The following ZBTB11 variants were observed in gnomAD, a reference collection of about 807,000 sequenced individuals.
ZBTB11 encodes the protein zinc finger and BTB domain-containing protein 11.
ZBTB11 carries 68 observed loss-of-function variants against 113.1 expected under a neutral mutation model. The ratio of observed to expected loss-of-function variants is 0.60; its 90% confidence interval spans 0.49 to 0.74. The LOEUF (loss-of-function observed/expected upper bound fraction) is 0.74, where lower values mean the gene tolerates loss of function less well. ZBTB11 is among the 30% of genes least tolerant of loss of function. The pLI is 0.00. For synonymous variants in ZBTB11, 518 were observed against 452.6 expected, an observed-to-expected ratio of 1.14 and a Z score of -1.83; for missense variants, 1,104 against 1,279.4, an observed-to-expected ratio of 0.86 and a Z score of 2.09.
chr3:101,654,617 A>C, intron 8 of ZBTB11, 87 bp downstream of exon 8: 1 of 1,107,574 alleles, frequency 9.0e-7, no homozygotes, highest in Non-Finnish European at 1.3e-6. Flanking sequence ...CTGAAGTTAC[A>C]GTTTAATATT....
rs576312912 is a variant in ZBTB11 at position 101,654,423 on chromosome 3, G to C, written c.2309+281C>G. Among the ~76,000 whole-genome samples, 16 of 152,144 alleles carry C rather than the reference G, an allele frequency of 1.1e-4. 1 individual carries two copies. Among genetic ancestry groups the C allele is most frequent in the Admixed American group, 9.8e-4 (15 of 15,270 alleles). On this transcript the variant is annotated intron_variant, in intron 8 of 10. Transcript: ENST00000312938. ...GAGGATCTGGAAAATGAAGAAGAGG[G>C]GGGGAAAGAAACTGGCTGGCAGTGA...
intron 1 of ZBTB11, 121 bp downstream of exon 1, chr3:101,676,468 GGCTCCGCCTGGCAGCA>G (rs1291334831): frequency 5.5e-6 from 5 of 901,810 alleles, no homozygotes; most frequent in African/African-American, 5.3e-5. Flanking sequence ...CCACCCTCTC[GGCTCCGCCTGGCAGCA>G]GCTCCGCCGC....
Position 101,659,839 on chromosome 3 carries a change from A to G in ZBTB11, c.1990T>C (p.Tyr664His). The G allele has an allele frequency of 1.9e-6, 3 of 1,614,166 alleles. No homozygotes were observed. Among genetic ancestry groups the G allele is most frequent in the Non-Finnish European group, 2.5e-6 (3 of 1,180,008 alleles). Residue 664 changes from tyrosine (Y) to histidine (H), a missense_variant, in exon 6 of 11, where the codon TAT becomes CAT. Coordinates refer to ENST00000312938, the MANE Select transcript of ZBTB11 (RefSeq NM_014415.4). ...TTTAACATATGTATTCGGAGAGAAT[A>G]TAATTTAGGTAATGTTCTTCCACAT... ...SICGRTLPKLYSLRIHMLKHT... is the reference protein window; with the variant it reads ...SICGRTLPKLHSLRIHMLKHT...
chr3:101,674,240 T>A (rs951559703), intron 1 of ZBTB11, among the ~76,000 whole-genome samples: 2 of 151,596 alleles, frequency 1.3e-5, no homozygotes, highest in African/African-American at 4.9e-5. Flanking sequence ...CACGTGAGCC[T>A]GGGAGGCGAA....
At chr3:101,660,503 A>C (rs1936869996) in intron 5 of ZBTB11, among the ~76,000 whole-genome samples, 1 of 152,198 alleles carries the variant, frequency 6.6e-6, no homozygotes, top group African/African-American at 2.4e-5. Flanking sequence ...TTAAAACAAT[A>C]AGTACAACTG....
chr3:101,666,610 T>C (rs1298006354), intron 3 of ZBTB11, among the ~76,000 whole-genome samples: 1 of 152,202 alleles, frequency 6.6e-6, no homozygotes, highest in Non-Finnish European at 1.5e-5. Flanking sequence ...CAAAAGCCAT[T>C]GTTAATTCTT....
Position 101,664,584 on chromosome 3 carries a change from A to G in ZBTB11, c.1754T>C (p.Ile585Thr). 2.5e-6 allele frequency: 4 copies of G among 1,612,666 alleles called. No individual in the cohort carries two copies. Among genetic ancestry groups the G allele is most frequent in the Non-Finnish European group, 8.5e-7 (1 of 1,179,638 alleles). ...GMVFQRRYAL[I>T]MHKLKHERAR... is the part of the protein sequence containing the mutation. ...TCTTTCATGTTTCAGTTTGTGCATT[A>G]TAAGGGCGTATCGTCTCTGAAAAAC... Residue 585 changes from isoleucine to threonine, a missense_variant, in exon 5 of 11, where the codon ATA becomes ACA. Ile to Thr is a moderately conservative substitution (Grantham distance 89, BLOSUM62 -1). Coordinates refer to ENST00000312938, the MANE Select transcript of ZBTB11 (RefSeq NM_014415.4).
In ZBTB11 at chr3:101,654,880, A is replaced by AC. The variant is rs1936768215; in HGVS notation, c.2192-60_2192-59insG. 1.0e-5 allele frequency: 12 copies of AC among 1,181,710 alleles called. No homozygotes were observed. In the South Asian group the frequency reaches 1.8e-4, roughly 18 times the overall value. 73.2% of individuals were successfully genotyped at this position (1,181,710 alleles called of 1,614,324 possible). ...CAGCAATCAGTCCTCTTTTAACAGA[A>AC]TTTTTTTTTTTTGAGTGGCATCTCA... On this transcript the variant is annotated intron_variant, in intron 7 of 10. Coordinates refer to ENST00000312938, the MANE Select transcript of ZBTB11 (RefSeq NM_014415.4).
intron 7 of ZBTB11, among the ~76,000 whole-genome samples, chr3:101,655,592 T>C (rs1420467780): frequency 6.6e-6 from 1 of 152,148 alleles, no homozygotes; most frequent in Non-Finnish European, 1.5e-5. Flanking sequence ...TTAGTACACA[T>C]TTTTCTACAC....
chr3:101,672,058 G>C lies in ZBTB11; in HGVS notation c.466C>G (p.Leu156Val). ...GTTGGAGATGAAGTAAAGTTGCTCAGGTCATCTTCCGATTCATTACTTTCT... is the reference window on the plus strand; with the variant it reads ...GTTGGAGATGAAGTAAAGTTGCTCACGTCATCTTCCGATTCATTACTTTCT... The part of the protein sequence containing the change: ...GEESNESEDD[L>V]SNFTSSPTTA... Residue 156 changes from leucine to valine, a missense_variant, in exon 2 of 11, where the codon CTG (leucine) becomes GTG (valine). This residue lies in a region of ZBTB11 where 245 missense variants were observed against 272.5 expected (regional missense o/e 0.90). Coordinates refer to ENST00000312938, the MANE Select transcript of ZBTB11 (RefSeq NM_014415.4). The C allele has an allele frequency of 6.2e-7, 1 of 1,614,124 alleles. No individual in the cohort carries two copies. The highest frequency in any genetic ancestry group is 8.5e-7 in the Non-Finnish European group (1 of 1,180,008).
intron 1 of ZBTB11, among the ~76,000 whole-genome samples, chr3:101,673,656 G>C (rs930169301): frequency 1.3e-5 from 2 of 151,934 alleles, no homozygotes; most frequent in African/African-American, 4.8e-5. Context: ...TGGGATTACA[G>C]GCGCCCGCCA....
At chr3:101,669,651 T>C (rs13433837) in intron 3 of ZBTB11, among the ~76,000 whole-genome samples, 1,667 of 152,188 alleles carry the variant, frequency 0.011, 29 homozygotes, top group African/African-American at 0.038. Context: ...GTGTAAGACG[T>C]ATTTTCTCCT....
intron 10 of ZBTB11, 115 bp from the exon 11 acceptor site, chr3:101,651,798 C>T: frequency 1.8e-6 from 2 of 1,112,726 alleles, no homozygotes; most frequent in Non-Finnish European, 2.4e-6. Flanking sequence ...GCCTTTCTAT[C>T]TGGACTGTGG....
At chr3:101,674,365 A>T (rs549057609) in intron 1 of ZBTB11, among the ~76,000 whole-genome samples, 1 of 152,122 alleles carries the variant, frequency 6.6e-6, no homozygotes, top group South Asian at 2.1e-4. Flanking sequence ...GTTCGAGTTA[A>T]ATATAACTTT....
rs78098534 is a variant in ZBTB11 at position 101,664,140 on chromosome 3, T to C, written c.1800+398A>G. 1.9e-3 allele frequency among the ~76,000 whole-genome samples: 294 copies of C among 152,290 alleles called. 4 individuals are homozygous for C. The East Asian group carries it at 0.035, about 18-fold the overall frequency. ...CTAGCACTACTAATTCCTGAGACAT[T>C]TTGGTGGTTCTACAATTCAATTTGG... On this transcript the variant is annotated intron_variant, in intron 5 of 10. Coordinates refer to ENST00000312938, the MANE Select transcript of ZBTB11 (RefSeq NM_014415.4).
At chr3:101,671,941 T>C in intron 2 of ZBTB11, 37 bp downstream of exon 2, 1 of 1,528,424 alleles carries the variant, frequency 6.5e-7, no homozygotes, top group East Asian at 2.3e-5. Context: ...AGTACACTAG[T>C]TACAAATCTT....
rs1936678543 is a variant in ZBTB11 at position 101,650,366 on chromosome 3, T to C, written c.*800A>G. ...TTTTTTTCCATTAATTGTCCTATGTTATCAAGGAGAATTTTCCTGTCAACA... is the reference window on the plus strand; with the variant it reads ...TTTTTTTCCATTAATTGTCCTATGTCATCAAGGAGAATTTTCCTGTCAACA... On this transcript the variant is annotated 3_prime_UTR_variant, in exon 11 of 11. Coordinates refer to ENST00000312938, the MANE Select transcript of ZBTB11 (RefSeq NM_014415.4). 1 of 152,592 alleles carries C rather than the reference T, an allele frequency of 6.6e-6. No individual in the cohort carries two copies. The highest frequency in any genetic ancestry group is 2.4e-5 in the African/African-American group (1 of 41,434). 9.5% of individuals were successfully genotyped at this position (152,592 alleles called of 1,614,324 possible).
intron 3 of ZBTB11, among the ~76,000 whole-genome samples, chr3:101,667,307 T>G (rs571915351): frequency 1.1e-4 from 17 of 152,342 alleles, no homozygotes; most frequent in African/African-American, 3.4e-4. Flanking sequence ...CTCAAAGTCC[T>G]TGGATTACAG....
intron 8 of ZBTB11, among the ~76,000 whole-genome samples, chr3:101,654,423 G>T (rs576312912): frequency 3.5e-4 from 53 of 152,262 alleles, no homozygotes; most frequent in African/African-American, 1.2e-3. Flanking sequence ...GAAGAAGAGG[G>T]GGGGAAAGAA....
Sources: allele counts gnomAD v4.1 joint callset (sites outside exome capture counted in the v4.1 genomes callset), GRCh38; gene constraint gnomAD v4.1.1; regional missense constraint gnomAD v4.1.1; transcripts MANE v1.5; gene names NCBI Gene and HGNC (gene_info 2026-07-23, HGNC 2026-07-21).